Variants in METTL22 observed in about 807,000 individuals in gnomAD.
METTL22 encodes methyltransferase 22, Kin17 lysine.
In METTL22, 51 loss-of-function variants were observed where a neutral mutation model predicts 48.4. The observed-to-expected ratio is 1.05, with a 90% CI of 0.84 to 1.33. The LOEUF (loss-of-function observed/expected upper bound fraction) is 1.33. Ranked by LOEUF, METTL22 falls within the 40% of genes most tolerant of loss-of-function variation. The pLI is 0.00. For synonymous variants in METTL22, 255 were observed against 214.1 expected, an observed-to-expected ratio of 1.19 and a Z score of -1.67; for missense variants, 678 against 526.9, an observed-to-expected ratio of 1.29 and a Z score of -2.81.
intron 3 of METTL22, chr16:8,632,278 C>A (rs1299020114): frequency 6.6e-6 from 1 of 152,210 alleles, no homozygotes; most frequent in Non-Finnish European, 1.5e-5. Flanking sequence ...CTGGTGTTTT[C>A]TCGTGTTATC....
chr16:8,657,403 CA>C, the METTL22 span, among the ~76,000 whole-genome samples: 11 of 152,172 alleles, frequency 7.2e-5, no homozygotes, highest in Non-Finnish European at 1.0e-4. Context: ...GCAGGAATAG[CA>C]AATGTCACAA....
chr16:8,625,534 C>T lies in METTL22; in HGVS notation c.-132C>T, dbSNP rs1299573013. The T allele has an allele frequency of 4.2e-6, 3 of 715,332 alleles. No individual in the cohort carries two copies. The highest frequency in any genetic ancestry group is 6.5e-6 in the Non-Finnish European group (3 of 464,642). 44.3% of individuals were successfully genotyped at this position (715,332 alleles called of 1,614,324 possible). On this transcript the variant is annotated 5_prime_UTR_variant, in exon 2 of 11. Coordinates refer to ENST00000381920, the MANE Select transcript of METTL22 (RefSeq NM_024109.4). The stretch of plus-strand genomic sequence containing the variant: ...CCTGGCCAAGTCTCTGAGATCTTCT[C>T]CCAGGGCGATGCAAAGCTACTCGCT...
At chr16:8,630,611 C>G (rs1259272088) in intron 3 of METTL22, among the ~76,000 whole-genome samples, 2 of 152,134 alleles carry the variant, frequency 1.3e-5, no homozygotes, top group Non-Finnish European at 2.9e-5. Flanking sequence ...GCAAACCTGT[C>G]AGTTACTCCA....
Position 8,646,793 on chromosome 16 carries a change from T to A in METTL22, c.*650T>A, listed in dbSNP as rs552991175. Reference sequence around the variant, plus strand: ...GCTGACCAGGGTTTGTGCAGTGATCTTCCTCAGAGGTGTTCCCTTCCGCCT... The same window carrying A: ...GCTGACCAGGGTTTGTGCAGTGATCATCCTCAGAGGTGTTCCCTTCCGCCT... On this transcript the variant is annotated 3_prime_UTR_variant, in exon 11 of 11. Coordinates refer to ENST00000381920, the MANE Select transcript of METTL22 (RefSeq NM_024109.4). 229 of 411,416 alleles carry A rather than the reference T, an allele frequency of 5.6e-4. No homozygotes were observed. Among genetic ancestry groups the A allele is most frequent in the African/African-American group, 4.4e-3 (215 of 48,738 alleles). 25.5% of individuals were successfully genotyped at this position (411,416 alleles called of 1,614,324 possible).
the METTL22 span, among the ~76,000 whole-genome samples, chr16:8,655,191 G>T: frequency 9.8e-4 from 149 of 152,320 alleles, no homozygotes; most frequent in African/African-American, 3.6e-3. Context: ...ATAAATCTGG[G>T]CTTAGTTTAA....
chr16:8,665,861 A>G, the METTL22 span, among the ~76,000 whole-genome samples: 2 of 152,234 alleles, frequency 1.3e-5, no homozygotes, highest in East Asian at 1.9e-4. Context: ...GTGTGGAAGT[A>G]TAAGTGAGTA....
chr16:8,651,479 G>C (rs926630792), downstream of METTL22, among the ~76,000 whole-genome samples: 7 of 150,652 alleles, frequency 4.6e-5, no homozygotes, highest in Non-Finnish European at 1.0e-4. Context: ...TGCAGACTTA[G>C]TCCTAAGGTA....
rs1188718311 is a variant in METTL22, at chr16:8,636,528, A to G, written c.700+1216A>G. ...AGAGTGAGACTCTGTCTCAAAAAAA[A>G]AAAAAAAAAAACAAACTTTATATAT... is the stretch of plus-strand genomic sequence containing the variant. On this transcript the variant is annotated intron_variant, in intron 5 of 10. Coordinates refer to ENST00000381920, the MANE Select transcript of METTL22 (RefSeq NM_024109.4). Among the ~76,000 whole-genome samples the G allele has an allele frequency of 2.9e-5, 3 of 103,348 alleles. No homozygotes were observed. The East Asian group carries it at 9.0e-4, about 31-fold the overall frequency. The allele number at this position is 103,348 out of a possible 152,430, so 67.8% of individuals were successfully genotyped here.
rs1470651328 is a variant in METTL22, at chr16:8,646,292, G to C, written c.*149G>C. The C allele has an allele frequency of 6.8e-6, 7 of 1,022,322 alleles. No individual in the cohort carries two copies. The highest frequency in any genetic ancestry group is 1.6e-5 in the African/African-American group (1 of 63,030). The allele number at this position is 1,022,322 out of a possible 1,614,324, so 63.3% of individuals were successfully genotyped here. On this transcript the variant is annotated 3_prime_UTR_variant, in exon 11 of 11. Coordinates refer to ENST00000381920, the MANE Select transcript of METTL22 (RefSeq NM_024109.4). Reference sequence around the variant, plus strand: ...TTAGATGACCCAAGATGGTTTTCTGGGGTCTGTCCCTGCCTCCCAGTTGTA... The same window carrying C: ...TTAGATGACCCAAGATGGTTTTCTGCGGTCTGTCCCTGCCTCCCAGTTGTA...
rs1302089380 is a variant in METTL22 at position 8,642,648 on chromosome 16, CATT to C, written c.1010+86_1010+88del. ...CTCCTAATTGTGTCCTTGTCAGTGTCATTATGATTGTTACTCAGTGCCACTTAT... is the reference window on the plus strand; with the variant it reads ...CTCCTAATTGTGTCCTTGTCAGTGTCATGATTGTTACTCAGTGCCACTTAT... On this transcript the variant is annotated intron_variant, in intron 9 of 10. Transcript: ENST00000381920. 26 of 1,269,422 alleles carry C rather than the reference CATT, an allele frequency of 2.0e-5. No individual in the cohort carries two copies. The Admixed American group carries it at 4.2e-4, about 21-fold the overall frequency. The allele number at this position is 1,269,422 out of a possible 1,614,324, so 78.6% of individuals were successfully genotyped here.
Position 8,633,721 on chromosome 16 carries a change from A to G in METTL22, c.515-1318A>G, listed in dbSNP as rs117926512. Among the ~76,000 whole-genome samples, 921 of 152,360 alleles carry G rather than the reference A, an allele frequency of 6.0e-3. 5 individuals carry two copies. The highest frequency in any genetic ancestry group is 0.011 in the Non-Finnish European group (730 of 68,036). On this transcript the variant is annotated intron_variant, in intron 3 of 10. Transcript: ENST00000381920. ...CACCCAGCCACCTTTTCCTCATCCAATAATACTCGAAGCTGTCATTGGGTG... is the reference window on the plus strand; with the variant it reads ...CACCCAGCCACCTTTTCCTCATCCAGTAATACTCGAAGCTGTCATTGGGTG...
intron 9 of METTL22, among the ~76,000 whole-genome samples, chr16:8,643,534 G>T (rs1158038292): frequency 2.6e-5 from 4 of 152,358 alleles, no homozygotes; most frequent in South Asian, 2.1e-4. Flanking sequence ...AGGGCAGGGG[G>T]CCCCGGGAAG....
chr16:8,644,479 G>A (rs769955819), intron 9 of METTL22, 78 bp from the exon 10 acceptor site: 69 of 1,432,856 alleles, frequency 4.8e-5, no homozygotes, highest in Non-Finnish European at 6.2e-5. Flanking sequence ...TGAGGGATAG[G>A]AAAGCAAGGT....
At position 8,625,678 on chromosome 16, in the gene METTL22, G is replaced by A. The variant is rs2056022058; in HGVS notation, c.13G>A (p.Ala5Thr). 1 of 1,613,978 alleles carries A rather than the reference G, an allele frequency of 6.2e-7. No homozygotes were observed. The highest frequency in any genetic ancestry group is 1.1e-5 in the South Asian group (1 of 91,084). MVQL[A>T]PAAAMDEVTF... ...TGGAGCCTGGGCCATGGTACAGCTGGCTCCTGCGGCAGCCATGGACGAGGT... is the reference window on the plus strand; with the variant it reads ...TGGAGCCTGGGCCATGGTACAGCTGACTCCTGCGGCAGCCATGGACGAGGT... Residue 5 changes from alanine to threonine, a missense_variant, in exon 2 of 11, where the codon GCT (alanine) becomes ACT (threonine). Ala to Thr is a moderately conservative substitution (Grantham distance 58). Transcript: ENST00000381920.
the METTL22 span, among the ~76,000 whole-genome samples, chr16:8,656,655 C>T: frequency 2.0e-5 from 3 of 152,242 alleles, no homozygotes; most frequent in Non-Finnish European, 4.4e-5. Context: ...GAGTGATGTT[C>T]CAGCAGTGCT....
the METTL22 span, among the ~76,000 whole-genome samples, chr16:8,660,645 T>C: frequency 0.58 from 87,636 of 151,658 alleles, 27,407 homozygotes; most frequent in East Asian, 0.89. Flanking sequence ...TATGTTTTAA[T>C]GGTTTGAGAA....
rs375890293 is a variant in METTL22 at position 8,641,128 on chromosome 16, C to G, written c.773-3C>G. ...AAAGTTCTCTTTTTGTTTGTTTTTA[C>G]AGGTGGTATAGTTAGGGTCAAAGAA... On this transcript the variant is annotated splice_polypyrimidine_tract_variant and splice_region_variant and intron_variant, in intron 6 of 10. Transcript: ENST00000381920. 9.3e-6 allele frequency: 15 copies of G among 1,613,436 alleles called. No homozygotes were observed. The East Asian group carries it at 1.3e-4, about 14-fold the overall frequency.
chr16:8,623,639 C>G lies in METTL22; in HGVS notation c.-170-1857C>G, dbSNP rs2055939120. 5 of 152,344 alleles carry G rather than the reference C, an allele frequency of 3.3e-5. No individual in the cohort carries two copies. The South Asian group carries it at 1.0e-3, about 32-fold the overall frequency. 9.4% of individuals were successfully genotyped at this position (152,344 alleles called of 1,614,324 possible). A position where few individuals can be genotyped will look rare whatever the true frequency, so the allele number is the denominator to read the frequency against. ...AAATTCTGCATTGATTTGCCAGATTCACAGACTTTCTTTACAACCCACTTG... is the reference window on the plus strand; with the variant it reads ...AAATTCTGCATTGATTTGCCAGATTGACAGACTTTCTTTACAACCCACTTG... On this transcript the variant is annotated intron_variant, in intron 1 of 10. Coordinates refer to ENST00000381920, the MANE Select transcript of METTL22 (RefSeq NM_024109.4).
intron 10 of METTL22, 160 bp from the exon 11 acceptor site, chr16:8,645,948 A>T: frequency 7.9e-7 from 1 of 1,262,838 alleles, no homozygotes; most frequent in East Asian, 3.0e-5. Flanking sequence ...AGAGCAACAA[A>T]GAAAGGAGGA....
Sources: allele counts gnomAD v4.1 joint callset (sites outside exome capture counted in the v4.1 genomes callset), GRCh38; gene constraint gnomAD v4.1.1; transcripts MANE v1.5; gene names NCBI Gene and HGNC (gene_info 2026-07-23, HGNC 2026-07-21).